The following PDE4B variants were observed in gnomAD, a reference collection of about 807,000 sequenced individuals.
PDE4B encodes 3',5'-cyclic-AMP phosphodiesterase 4B.
A neutral mutation model predicts 82.2 loss-of-function variants in PDE4B; 20 were observed. That is an observed-to-expected ratio of 0.24 (90% CI 0.17 to 0.35). The LOEUF is 0.35. PDE4B is among the 10% of genes least tolerant of loss of function. The pLI is 1.00. For synonymous variants in PDE4B, 320 were observed against 318.9 expected, an observed-to-expected ratio of 1.00 and a Z score of -0.04; for missense variants, 655 against 907.2, an observed-to-expected ratio of 0.72 and a Z score of 3.57.
chr1:66,325,314 G>A (rs1473097217), intron 7 of PDE4B, among the ~76,000 whole-genome samples: 5 of 152,124 alleles, frequency 3.3e-5, no homozygotes, highest in African/African-American at 9.7e-5. Flanking sequence ...CTGAGAAGGC[G>A]CCTAGCTTCA....
chr1:66,198,332 A>T (rs1648515714), intron 3 of PDE4B, among the ~76,000 whole-genome samples: 1 of 152,152 alleles, frequency 6.6e-6, no homozygotes, highest in Admixed American at 6.6e-5. Flanking sequence ...GCTACTTTTT[A>T]AAATATTTTT....
rs1571040762 is a variant in PDE4B, at chr1:65,868,654, G to A, written c.-70-44591G>A. Among the ~76,000 whole-genome samples the A allele has an allele frequency of 3.3e-5, 5 of 152,150 alleles. No individual in the cohort carries two copies. The South Asian group carries it at 1.0e-3, about 32-fold the overall frequency. Reference sequence around the variant, plus strand: ...TGGCAAAGGGACTGTATAGCAGGGGGCCCCCAACCCCCAGGCTGCAGACCA... The same window carrying A: ...TGGCAAAGGGACTGTATAGCAGGGGACCCCCAACCCCCAGGCTGCAGACCA... On this transcript the variant is annotated intron_variant, in intron 1 of 16. Transcript: ENST00000341517.
chr1:66,271,519 C>T (rs1052491920), intron 7 of PDE4B, among the ~76,000 whole-genome samples: 2 of 152,160 alleles, frequency 1.3e-5, no homozygotes, highest in African/African-American at 2.4e-5. Context: ...GATACAGACA[C>T]GTTTTTTACA....
intron 4 of PDE4B, among the ~76,000 whole-genome samples, chr1:66,251,367 T>G (rs1400631582): frequency 6.6e-6 from 1 of 152,168 alleles, no homozygotes; most frequent in Non-Finnish European, 1.5e-5. Context: ...GTAAACTATA[T>G]GGATATCCAG....
At chr1:66,351,648 T>A (rs939178746) in intron 8 of PDE4B, among the ~76,000 whole-genome samples, 1 of 152,220 alleles carries the variant, frequency 6.6e-6, no homozygotes, top group African/African-American at 2.4e-5. Context: ...AGCCACAGAA[T>A]TTATCATACA....
intron 1 of PDE4B, among the ~76,000 whole-genome samples, chr1:65,817,414 C>T (rs150062765): frequency 2.1e-3 from 321 of 152,258 alleles, no homozygotes; most frequent in African/African-American, 6.7e-3. Flanking sequence ...CAAAGCAAGA[C>T]TCTTCTGTAA....
chr1:65,976,561 T>C (rs944459033), intron 3 of PDE4B, among the ~76,000 whole-genome samples: 3 of 152,178 alleles, frequency 2.0e-5, no homozygotes, highest in Non-Finnish European at 4.4e-5. Flanking sequence ...AGGGATGGAA[T>C]GATATGGTTT....
chr1:65,826,821 C>CAA (rs1211556899), intron 1 of PDE4B, among the ~76,000 whole-genome samples: 1 of 152,176 alleles, frequency 6.6e-6, no homozygotes, highest in East Asian at 1.9e-4. Context: ...CCCAGGTTCA[C>CAA]AATGCCTGAT....
intron 7 of PDE4B, among the ~76,000 whole-genome samples, chr1:66,310,052 C>T (rs1658560066): frequency 6.6e-6 from 1 of 152,046 alleles, no homozygotes; most frequent in African/African-American, 2.4e-5. Context: ...TGGGCACCTA[C>T]AAAATTCAGG....
At chr1:66,193,432 TC>T (rs1182451417) in intron 3 of PDE4B, among the ~76,000 whole-genome samples, 1 of 152,152 alleles carries the variant, frequency 6.6e-6, no homozygotes, top group Non-Finnish European at 1.5e-5. Context: ...TCCTTCCTGT[TC>T]CTCTAGTGTG....
chr1:65,842,684 C>T (rs1646221103), intron 1 of PDE4B, among the ~76,000 whole-genome samples: 1 of 152,090 alleles, frequency 6.6e-6, no homozygotes, highest in Non-Finnish European at 1.5e-5. Flanking sequence ...TACATGAAGA[C>T]CCACTTCATG....
chr1:66,207,819 G>A (rs534142089), intron 3 of PDE4B, among the ~76,000 whole-genome samples: 31 of 152,202 alleles, frequency 2.0e-4, no homozygotes, highest in African/African-American at 4.1e-4. Flanking sequence ...CTTCTCATTC[G>A]TTTGTAATTA....
rs565394201 is a variant in PDE4B at position 66,058,802 on chromosome 1, G to A, written c.281+139967G>A. On this transcript the variant is annotated intron_variant, in intron 3 of 16. Transcript: ENST00000341517. ...TTTTTCCCCCTAGACCTCCAGTAAA[G>A]GAAGGGGAGGGGCTGCCATGAAGAT... is the stretch of plus-strand genomic sequence containing the variant. Among the ~76,000 whole-genome samples the A allele has an allele frequency of 3.3e-5, 5 of 152,340 alleles. No individual in the cohort carries two copies. In the South Asian group the frequency reaches 1.0e-3, roughly 32 times the overall value.
chr1:66,318,836 C>A (rs957475254), intron 7 of PDE4B, among the ~76,000 whole-genome samples: 6 of 152,136 alleles, frequency 3.9e-5, no homozygotes, highest in Non-Finnish European at 8.8e-5. Context: ...ACACTTACAG[C>A]ACATCTGACC....
chr1:66,044,845 A>C (rs1436217151), intron 3 of PDE4B, among the ~76,000 whole-genome samples: 1 of 151,728 alleles, frequency 6.6e-6, no homozygotes, highest in African/African-American at 2.4e-5. Context: ...CTAGAATCCA[A>C]GATCATTATT....
chr1:65,947,518 C>T (rs1056385451), intron 3 of PDE4B, among the ~76,000 whole-genome samples: 1 of 151,976 alleles, frequency 6.6e-6, no homozygotes, highest in Non-Finnish European at 1.5e-5. Flanking sequence ...AGTCCTATCC[C>T]CTGGTATCTA....
chr1:66,154,442 G>C (rs1646462370), intron 3 of PDE4B, among the ~76,000 whole-genome samples: 1 of 152,178 alleles, frequency 6.6e-6, no homozygotes. Flanking sequence ...GAAGGGCAAA[G>C]AGAAGAGAAG....
At chr1:66,047,311 C>A (rs1159505357) in intron 3 of PDE4B, among the ~76,000 whole-genome samples, 1 of 151,848 alleles carries the variant, frequency 6.6e-6, no homozygotes, top group Non-Finnish European at 1.5e-5. Context: ...AAAATGACAC[C>A]TACCTTACTG....
intron 3 of PDE4B, among the ~76,000 whole-genome samples, chr1:66,019,849 C>T (rs1652990556): frequency 6.6e-6 from 1 of 152,156 alleles, no homozygotes; most frequent in South Asian, 2.1e-4. Flanking sequence ...GTTTGAGGAA[C>T]TAGTTGAGTA....
Sources: gnomAD v4.1 joint callset for allele counts (sites outside exome capture counted in the v4.1 genomes callset) on GRCh38, gnomAD v4.1.1 for gene constraint, MANE v1.5 for transcripts, NCBI Gene and HGNC (gene_info 2026-07-23, HGNC 2026-07-21) for gene names.